Variants in TEX2 observed in about 807,000 individuals in gnomAD.
TEX2 encodes the protein testis expressed 2, also known as testis-expressed protein 2.
A neutral mutation model predicts 106.9 loss-of-function variants in TEX2; 53 were observed. The observed-to-expected ratio is 0.50, with a 90% CI of 0.40 to 0.62. TEX2 has a LOEUF of 0.62. TEX2 is among the 20% of genes least tolerant of loss of function. The probability of loss-of-function intolerance (pLI) is 0.00; values close to 1 mark genes in which losing one functional copy is unlikely to be tolerated. For synonymous variants in TEX2, 523 were observed against 534.8 expected, an observed-to-expected ratio of 0.98 and a Z score of 0.30; for missense variants, 1,207 against 1,379.0, an observed-to-expected ratio of 0.88 and a Z score of 1.98.
At position 64,213,805 on chromosome 17, in the gene TEX2, G is replaced by T; in HGVS notation, c.413C>A (p.Ser138Ter). The T allele has an allele frequency of 1.9e-6, 3 of 1,614,216 alleles. No homozygotes were observed. The highest frequency in any genetic ancestry group is 2.5e-6 in the Non-Finnish European group (3 of 1,180,044). ...STVPLAVSPG[S>*]SSSGPLASSP... The stretch of plus-strand genomic sequence containing the variant: ...GCTAGCTAAGGGCCCCGACGAAGAC[G>T]ACCCTGGGGACACAGCCAATGGCAC... Residue 138 changes from serine (S) to a stop codon, truncating the protein, a stop_gained, in exon 2 of 12, where the codon TCG becomes TAG. Transcript: ENST00000584379. LOFTEE classifies it high-confidence loss of function. This position sits in a 1 kb window ranked among gnomAD's most constrained non-coding sequence, Gnocchi z 4.4.
chr17:64,193,821 C>A lies in TEX2; in HGVS notation c.1914G>T (p.Glu638Asp). ...IWNKKYPICI[E>D]LGQQDDFMSK... is the part of the protein sequence containing the mutation. The stretch of plus-strand genomic sequence containing the variant: ...ACATAAAGTCATCTTGCTGACCAAG[C>A]TCGATACAAATGGGGTACTTTTTAT... Residue 638 changes from glutamate to aspartate, a missense_variant, in exon 4 of 12, where the codon GAG becomes GAT. Glu to Asp is a conservative substitution (Grantham distance 45). Around this residue, in one of 3 missense-constraint regions of TEX2, gnomAD observed 1,067 missense variants for 1,193.6 expected, o/e 0.89. Transcript: ENST00000584379. 6.2e-7 allele frequency: 1 copy of A among 1,603,930 alleles called. No homozygotes were observed. Among genetic ancestry groups the A allele is most frequent in the Non-Finnish European group, 8.5e-7 (1 of 1,173,286 alleles).
In TEX2 at chr17:64,213,825, T is replaced by C; in HGVS notation, c.393A>G (p.Pro131=). ...AAGACGACCCTGGGGACACAGCCAA[T>C]GGCACTGTACTTAATACTTGTGCTG... ...VPAAQVLSTV[P]LAVSPGSSSS... Residue 131 remains proline, a synonymous_variant, in exon 2 of 12, where the codon CCA becomes CCG. Coordinates refer to ENST00000584379, the MANE Select transcript of TEX2 (RefSeq NM_001288732.2). The surrounding 1 kb of genome is among the most constrained non-coding windows in gnomAD (Gnocchi z 4.4). 1 of 1,614,166 alleles carries C rather than the reference T, an allele frequency of 6.2e-7. No individual in the cohort carries two copies. The highest frequency in any genetic ancestry group is 8.5e-7 in the Non-Finnish European group (1 of 1,180,028).
intron 1 of TEX2, among the ~76,000 whole-genome samples, chr17:64,228,913 C>T (rs1373154562): frequency 7.0e-6 from 1 of 142,648 alleles, no homozygotes; most frequent in Non-Finnish European, 1.5e-5. Flanking sequence ...ATGGCCTATA[C>T]CTATGGACTG....
At chr17:64,231,755 C>A (rs782607651) in intron 1 of TEX2, among the ~76,000 whole-genome samples, 44 of 152,206 alleles carry the variant, frequency 2.9e-4, no homozygotes, top group Non-Finnish European at 8.8e-5. Context: ...TCCAGTTCCA[C>A]CTCTTATCAG....
rs143115080 is a variant in TEX2 at position 64,199,396 on chromosome 17, C to T, written c.1645-4301G>A. On this transcript the variant is annotated intron_variant, in intron 2 of 11. Coordinates refer to ENST00000584379, the MANE Select transcript of TEX2 (RefSeq NM_001288732.2). ...GGATTACAGGTGTGTGCCACCACGCCCGGCTAATTTTCGTATTTTTAGTAG... is the reference window on the plus strand; with the variant it reads ...GGATTACAGGTGTGTGCCACCACGCTCGGCTAATTTTCGTATTTTTAGTAG... Among the ~76,000 whole-genome samples the T allele has an allele frequency of 1.3e-3, 191 of 152,168 alleles. 1 individual carries two copies. The highest frequency in any genetic ancestry group is 3.9e-3 in the African/African-American group (163 of 41,502).
In TEX2 at chr17:64,233,720, TTAG is replaced by T. The variant is rs1297759823; in HGVS notation, c.-25-19481_-25-19479del. ...TACACCTACCTTGCAAGGCACCATGTTAGAGGCAAGTGCTTTCTAACAGGCTAT... is the reference window on the plus strand; with the variant it reads ...TACACCTACCTTGCAAGGCACCATGTAGGCAAGTGCTTTCTAACAGGCTAT... On this transcript the variant is annotated intron_variant, in intron 1 of 11. Transcript: ENST00000584379. 2.6e-5 allele frequency among the ~76,000 whole-genome samples: 4 copies of T among 152,226 alleles called. No individual in the cohort carries two copies. In the East Asian group the frequency reaches 7.7e-4, roughly 29 times the overall value.
At chr17:64,234,293 C>T (rs782796544) in intron 1 of TEX2, among the ~76,000 whole-genome samples, 2 of 152,120 alleles carry the variant, frequency 1.3e-5, no homozygotes, top group African/African-American at 2.4e-5. Flanking sequence ...AAGAAACAAA[C>T]GCTGTAAAAT....
chr17:64,258,403 C>T (rs538514257), intron 1 of TEX2, among the ~76,000 whole-genome samples: 35 of 152,224 alleles, frequency 2.3e-4, no homozygotes, highest in Admixed American at 1.1e-3. Context: ...CAGTCCTTGA[C>T]CTTGCTGTGT....
At chr17:64,234,027 C>T (rs2033715020) in intron 1 of TEX2, among the ~76,000 whole-genome samples, 1 of 152,144 alleles carries the variant, frequency 6.6e-6, no homozygotes, top group South Asian at 2.1e-4. Flanking sequence ...AGGTCTGTTC[C>T]ATTGCTGTCT....
At position 64,185,496 on chromosome 17, in the gene TEX2, A is replaced by G. The variant is rs1336225053; in HGVS notation, c.2424+2672T>C. On this transcript the variant is annotated intron_variant, in intron 5 of 11. Transcript: ENST00000584379. The surrounding 1 kb of genome is among the most constrained non-coding windows in gnomAD (Gnocchi z 4.0). The stretch of plus-strand genomic sequence containing the variant: ...GTTTCCTGAATTAAATCCCCTTCCA[A>G]ACCAGGCACTAAACATTTGGAAAAC... Among the ~76,000 whole-genome samples, 3 of 152,162 alleles carry G rather than the reference A, an allele frequency of 2.0e-5. No homozygotes were observed. The highest frequency in any genetic ancestry group is 7.2e-5 in the African/African-American group (3 of 41,418).
intron 2 of TEX2, among the ~76,000 whole-genome samples, chr17:64,199,528 C>T (rs782818123): frequency 1.6e-4 from 25 of 152,102 alleles, no homozygotes; most frequent in Admixed American, 2.6e-4. Context: ...TGAGCCACTG[C>T]GCCTTGCTGA....
chr17:64,220,024 C>T (rs568190000), intron 1 of TEX2, among the ~76,000 whole-genome samples: 3 of 152,202 alleles, frequency 2.0e-5, no homozygotes, highest in East Asian at 1.9e-4. Context: ...TCAGAGAAGG[C>T]GATGTGAAAC....
At chr17:64,234,454 G>C (rs1233070527) in intron 1 of TEX2, among the ~76,000 whole-genome samples, 1 of 152,058 alleles carries the variant, frequency 6.6e-6, no homozygotes, top group Non-Finnish European at 1.5e-5. Flanking sequence ...AAAGCAAAAC[G>C]CCAAAACAGG....
intron 1 of TEX2, among the ~76,000 whole-genome samples, chr17:64,240,232 GAT>G (rs1567964357): frequency 7.6e-6 from 1 of 130,910 alleles, no homozygotes; most frequent in Non-Finnish European, 1.6e-5. Flanking sequence ...TGTATATGCA[GAT>G]GTGTGTGTGT....
chr17:64,180,270 C>T (rs1305142266), intron 5 of TEX2, among the ~76,000 whole-genome samples: 1 of 152,162 alleles, frequency 6.6e-6, no homozygotes, highest in Non-Finnish European at 1.5e-5. Flanking sequence ...CCTTTATTAG[C>T]CTTTCTTTAC....
At chr17:64,229,498 G>T (rs1314904663) in intron 1 of TEX2, among the ~76,000 whole-genome samples, 2 of 147,850 alleles carry the variant, frequency 1.4e-5, no homozygotes, top group Admixed American at 6.8e-5. Flanking sequence ...AATTGTATGG[G>T]TTTTTTTTTT....
At chr17:64,248,106 G>C (rs1182238717) in intron 1 of TEX2, among the ~76,000 whole-genome samples, 2 of 152,058 alleles carry the variant, frequency 1.3e-5, no homozygotes, top group African/African-American at 4.8e-5. Flanking sequence ...GACTGTAGTG[G>C]GAAAACGGCT....
rs1233447428 is a variant in TEX2, at chr17:64,185,012, G to C, written c.2424+3156C>G. On this transcript the variant is annotated intron_variant, in intron 5 of 11. Transcript: ENST00000584379. The surrounding 1 kb of genome is among the most constrained non-coding windows in gnomAD (Gnocchi z 4.0). ...TTGTGGGGGTAGCAAGGGAAGCCCT[G>C]GAAAACTATTCTGCCAGTTACAGAC... Among the ~76,000 whole-genome samples, 2 of 152,120 alleles carry C rather than the reference G, an allele frequency of 1.3e-5. No individual in the cohort carries two copies. Among genetic ancestry groups the C allele is most frequent in the African/African-American group, 2.4e-5 (1 of 41,424 alleles).
chr17:64,191,961 T>TG (rs2032319047), intron 4 of TEX2, among the ~76,000 whole-genome samples: 1 of 152,190 alleles, frequency 6.6e-6, no homozygotes, highest in Non-Finnish European at 1.5e-5. Context: ...AATGAGATAT[T>TG]TTACATTCTT....
Sources: allele counts gnomAD v4.1 joint callset (sites outside exome capture counted in the v4.1 genomes callset), GRCh38; gene constraint gnomAD v4.1.1; regional missense constraint gnomAD v4.1.1; non-coding constraint Gnocchi (gnomAD v3.1); transcripts MANE v1.5; gene names NCBI Gene and HGNC (gene_info 2026-07-23, HGNC 2026-07-21).